Variants in ATG10 observed in about 807,000 individuals in gnomAD.
ATG10 encodes the protein ubiquitin-like-conjugating enzyme ATG10.
ATG10 carries 30 observed loss-of-function variants against 32.1 expected under a neutral mutation model. The ratio of observed to expected loss-of-function variants is 0.94; its 90% confidence interval spans 0.70 to 1.27. The LOEUF is 1.27. ATG10 is among the 50% of genes most tolerant of loss of function. The pLI is 0.00. For missense variants in ATG10, 233 were observed against 262.3 expected (o/e 0.89, Z 0.77); for synonymous variants, 87 against 91.5 (o/e 0.95, Z 0.28).
At chr5:82,062,356 G>C (rs1008874006) in intron 3 of ATG10, among the ~76,000 whole-genome samples, 7 of 151,934 alleles carry the variant, frequency 4.6e-5, no homozygotes, top group African/African-American at 1.7e-4. Context: ...AATTTAGGCT[G>C]CCTAATTTAC....
At chr5:82,059,591 T>G (rs1763704661) in intron 3 of ATG10, among the ~76,000 whole-genome samples, 1 of 152,174 alleles carries the variant, frequency 6.6e-6, no homozygotes, top group African/African-American at 2.4e-5. Flanking sequence ...GACCTAATTA[T>G]TTCAGCACAA....
At chr5:82,181,020 G>A (rs534963153) in intron 5 of ATG10, among the ~76,000 whole-genome samples, 60 of 152,188 alleles carry the variant, frequency 3.9e-4, no homozygotes, top group African/African-American at 1.3e-3. Context: ...TAGAATTGAC[G>A]AATGTCTTTC....
At chr5:82,197,499 C>T (rs1205426582) in intron 5 of ATG10, among the ~76,000 whole-genome samples, 1 of 151,704 alleles carries the variant, frequency 6.6e-6, no homozygotes, top group Non-Finnish European at 1.5e-5. Flanking sequence ...TACCTACCTA[C>T]CTGCCTATCT....
chr5:82,194,746 G>C (rs1581790396), intron 5 of ATG10, among the ~76,000 whole-genome samples: 1 of 152,164 alleles, frequency 6.6e-6, no homozygotes, highest in Admixed American at 6.5e-5. Flanking sequence ...CCAAAAAGAA[G>C]GTGATCAGGG....
chr5:82,253,487 C>A, intron 7 of ATG10, 58 bp downstream of exon 7: 1 of 1,132,330 alleles, frequency 8.8e-7, no homozygotes, highest in Non-Finnish European at 1.3e-6. Context: ...GTCTCCATTG[C>A]ATTTAGACTC....
intron 3 of ATG10, among the ~76,000 whole-genome samples, chr5:82,125,072 G>C (rs2149833394): frequency 6.6e-6 from 1 of 152,274 alleles, no homozygotes; most frequent in East Asian, 1.9e-4. Context: ...ATGTTTGTTA[G>C]CTGCATAAAT....
At chr5:81,991,814 T>A (rs1488933146) in intron 2 of ATG10, among the ~76,000 whole-genome samples, 3 of 151,764 alleles carry the variant, frequency 2.0e-5, no homozygotes, top group Non-Finnish European at 2.9e-5. Context: ...AAAAAACTTA[T>A]CTATACCTAT....
chr5:82,218,581 C>T (rs1203275631), intron 5 of ATG10, among the ~76,000 whole-genome samples: 1 of 152,088 alleles, frequency 6.6e-6, no homozygotes, highest in Non-Finnish European at 1.5e-5. Flanking sequence ...TACATGAATC[C>T]AGAGTCTCTG....
At chr5:82,070,730 T>C (rs1027833239) in intron 3 of ATG10, among the ~76,000 whole-genome samples, 9 of 152,156 alleles carry the variant, frequency 5.9e-5, no homozygotes, top group African/African-American at 2.2e-4. Context: ...ACACCTCTAT[T>C]GCCACTTCCC....
At chr5:82,178,747 C>G (rs1214899528) in intron 5 of ATG10, among the ~76,000 whole-genome samples, 160 bp downstream of exon 5, 2 of 152,024 alleles carry the variant, frequency 1.3e-5, no homozygotes, top group Non-Finnish European at 2.9e-5. Context: ...AAAACCTTCC[C>G]AGACCCAGTC....
At chr5:82,226,065 C>T (rs1049567716) in intron 5 of ATG10, among the ~76,000 whole-genome samples, 1 of 152,184 alleles carries the variant, frequency 6.6e-6, no homozygotes, top group African/African-American at 2.4e-5. Context: ...GTCTGTCTCT[C>T]CCCCAAATTC....
intron 5 of ATG10, among the ~76,000 whole-genome samples, chr5:82,217,697 A>C (rs1359551415): frequency 1.3e-5 from 2 of 151,796 alleles, no homozygotes; most frequent in African/African-American, 4.8e-5. Context: ...ACAGCTGGCC[A>C]TGTGTGGTGG....
chr5:82,156,697 T>C (rs933475709), intron 3 of ATG10, among the ~76,000 whole-genome samples: 2 of 152,252 alleles, frequency 1.3e-5, no homozygotes, highest in Non-Finnish European at 2.9e-5. Flanking sequence ...TGAAGCTTGA[T>C]AATTTTTCAA....
chr5:82,082,758 T>C (rs531761604), intron 3 of ATG10, among the ~76,000 whole-genome samples: 12 of 152,176 alleles, frequency 7.9e-5, no homozygotes, highest in Non-Finnish European at 1.2e-4. Flanking sequence ...ACTGGTGTTT[T>C]AGTAAATAGA....
chr5:82,092,400 T>C (rs1458990095), intron 3 of ATG10, among the ~76,000 whole-genome samples: 2 of 152,166 alleles, frequency 1.3e-5, no homozygotes, highest in African/African-American at 4.8e-5. Context: ...AAAATAGATA[T>C]TTCTGGTATC....
chr5:82,103,141 G>A (rs1765333690), intron 3 of ATG10, among the ~76,000 whole-genome samples: 1 of 152,028 alleles, frequency 6.6e-6, no homozygotes, highest in Non-Finnish European at 1.5e-5. Flanking sequence ...AACTCATCTG[G>A]AGCTCAGGTT....
chr5:82,004,720 C>T (rs985466169), intron 2 of ATG10, among the ~76,000 whole-genome samples: 16 of 152,190 alleles, frequency 1.1e-4, no homozygotes, highest in African/African-American at 3.9e-4. Context: ...CGACTGCCAG[C>T]TGGTTCAGTG....
chr5:81,980,236 A>T (rs1760996871), intron 1 of ATG10, among the ~76,000 whole-genome samples: 1 of 152,118 alleles, frequency 6.6e-6, no homozygotes, highest in Non-Finnish European at 1.5e-5. Context: ...AATTGGGAAC[A>T]TAGAGTAGAT....
intron 3 of ATG10, among the ~76,000 whole-genome samples, chr5:82,068,492 A>G (rs534247821): frequency 6.6e-6 from 1 of 152,102 alleles, no homozygotes; most frequent in Non-Finnish European, 1.5e-5. Context: ...TCACATGTAT[A>G]ACTGTGTAAC....
Sources: allele counts gnomAD v4.1 joint callset (sites outside exome capture counted in the v4.1 genomes callset), GRCh38; gene constraint gnomAD v4.1.1; transcripts MANE v1.5; gene names NCBI Gene and HGNC (gene_info 2026-07-23, HGNC 2026-07-21).